Variants in SORCS1 observed in about 807,000 individuals in gnomAD.
The protein encoded by SORCS1 is sortilin related VPS10 domain containing receptor 1, also known as VPS10 domain-containing receptor SorCS1.
In SORCS1, 60 loss-of-function variants were observed where a neutral mutation model predicts 146.1. The ratio of observed to expected loss-of-function variants is 0.41; its 90% CI spans 0.33 to 0.51. SORCS1 has a LOEUF of 0.51. SORCS1 is among the 20% of genes least tolerant of loss of function. The pLI is 0.21. For synonymous variants in SORCS1, 637 were observed against 584.0 expected, an observed-to-expected ratio of 1.09 and a Z score of -1.31; for missense variants, 1,352 against 1,487.6, an observed-to-expected ratio of 0.91 and a Z score of 1.50.
At chr10:106,871,568 A>C (rs1159375464) in intron 2 of SORCS1, among the ~76,000 whole-genome samples, 1 of 152,238 alleles carries the variant, frequency 6.6e-6, no homozygotes, top group African/African-American at 2.4e-5. Flanking sequence ...GCCATCAAAA[A>C]GGACAAGATC....
At chr10:107,092,304 C>A (rs1964239424) in intron 1 of SORCS1, among the ~76,000 whole-genome samples, 1 of 152,230 alleles carries the variant, frequency 6.6e-6, no homozygotes, top group African/African-American at 2.4e-5. Context: ...TTGCCCAAGA[C>A]TGACACGAGC....
At chr10:107,040,898 C>T (rs1270513710) in intron 1 of SORCS1, among the ~76,000 whole-genome samples, 1 of 152,068 alleles carries the variant, frequency 6.6e-6, no homozygotes, top group South Asian at 2.1e-4. Context: ...TGGTATCTAT[C>T]CTAGAGAAAT....
intron 25 of SORCS1, chr10:106,578,600 C>T: frequency 1.1e-6 from 1 of 944,866 alleles, no homozygotes; most frequent in South Asian, 4.9e-5. Flanking sequence ...GAGGATCAGG[C>T]TGGCCACTCT....
At chr10:107,165,197 AC>A (rs1487715272), upstream of SORCS1, among the ~76,000 whole-genome samples, 1 of 150,440 alleles carries the variant, frequency 6.6e-6, no homozygotes, top group African/African-American at 2.5e-5. This position sits in a 1 kb window ranked among gnomAD's most constrained non-coding sequence, Gnocchi z 4.0. Context: ...TGGCATCTTG[AC>A]CTTACCCGCA....
At chr10:106,694,336 T>G (rs1213420146) in intron 9 of SORCS1, among the ~76,000 whole-genome samples, 1 of 152,166 alleles carries the variant, frequency 6.6e-6, no homozygotes, top group East Asian at 1.9e-4. Flanking sequence ...CTCGGCTCAC[T>G]GCAACCTCCA....
chr10:107,123,377 T>C (rs1209810874), intron 1 of SORCS1, among the ~76,000 whole-genome samples: 6 of 152,196 alleles, frequency 3.9e-5, no homozygotes, highest in African/African-American at 1.4e-4. Context: ...ACTGGAATTA[T>C]TTGAATGTTA....
At chr10:107,053,134 A>G (rs2134062561) in intron 1 of SORCS1, among the ~76,000 whole-genome samples, 1 of 152,260 alleles carries the variant, frequency 6.6e-6, no homozygotes, top group East Asian at 1.9e-4. Context: ...TAGCCACTCA[A>G]TTATTTCACT....
chr10:106,630,791 A>G (rs182716318), intron 18 of SORCS1, among the ~76,000 whole-genome samples: 3 of 152,278 alleles, frequency 2.0e-5, no homozygotes, highest in East Asian at 1.9e-4. Context: ...TAGGATTCCA[A>G]ATTTCCCATG....
chr10:106,906,095 AAGAAAAAG>A (rs1256207187), intron 2 of SORCS1, among the ~76,000 whole-genome samples: 1 of 152,134 alleles, frequency 6.6e-6, no homozygotes, highest in African/African-American at 2.4e-5. Context: ...CAAGACTGGG[AAGAAAAAG>A]AGAAAAAGAG....
chr10:106,808,086 C>T (rs7906969), intron 3 of SORCS1, among the ~76,000 whole-genome samples: 63,308 of 152,132 alleles, frequency 0.42, 13,300 homozygotes, highest in African/African-American at 0.44. Context: ...AATGGCGCGA[C>T]CTTGGATCAC....
intron 3 of SORCS1, among the ~76,000 whole-genome samples, chr10:106,825,983 G>A (rs1948286872): frequency 6.6e-6 from 1 of 152,216 alleles, no homozygotes; most frequent in East Asian, 1.9e-4. Context: ...ACCTAGCCAA[G>A]GAAAGCTGCT....
At position 106,992,008 on chromosome 10, in the gene SORCS1, T is replaced by C. The variant is rs1008802898; in HGVS notation, c.559-35428A>G. On this transcript the variant is annotated intron_variant, in intron 1 of 25. Transcript: ENST00000263054. ...GACGAAATATTTTATGCAATTAAAC[T>C]TTGCATGTTATAATGTGACTCGTTG... Among the ~76,000 whole-genome samples the C allele has an allele frequency of 3.9e-5, 6 of 152,200 alleles. No homozygotes were observed. The East Asian group carries it at 1.2e-3, about 29-fold the overall frequency.
chr10:106,925,868 G>A (rs1345424418), intron 2 of SORCS1, among the ~76,000 whole-genome samples: 2 of 152,150 alleles, frequency 1.3e-5, no homozygotes, highest in African/African-American at 2.4e-5. Flanking sequence ...CTTGGTAAGG[G>A]GCTGCAATGA....
intron 21 of SORCS1, among the ~76,000 whole-genome samples, 199 bp downstream of exon 21, chr10:106,617,950 T>C (rs963833935): frequency 1.3e-5 from 2 of 152,218 alleles, no homozygotes; most frequent in Non-Finnish European, 2.9e-5. Context: ...AAACCCTTTC[T>C]GGATCCCGTG....
intron 12 of SORCS1, 110 bp downstream of exon 12, chr10:106,679,146 C>G: frequency 1.5e-6 from 1 of 683,002 alleles, no homozygotes; most frequent in Admixed American, 2.6e-5. Context: ...TATTCACAGT[C>G]ATTAGGATTT....
At position 106,767,978 on chromosome 10, in the gene SORCS1, A is replaced by AT. The variant is rs373400987; in HGVS notation, c.886-6318dup. 2.4e-3 allele frequency among the ~76,000 whole-genome samples: 367 copies of AT among 151,494 alleles called. 4 individuals are homozygous for AT. The highest frequency in any genetic ancestry group is 8.3e-3 in the African/African-American group (344 of 41,332). On this transcript the variant is annotated intron_variant, in intron 4 of 25. Transcript: ENST00000263054. ...CATTTCTCCTTATTCTTGTAGCTCT[A>AT]TTTTTTTTTCCCGAAATCATTAGAA...
chr10:106,669,637 TA>T (rs1379798865), intron 16 of SORCS1, among the ~76,000 whole-genome samples: 1 of 152,240 alleles, frequency 6.6e-6, no homozygotes, highest in Non-Finnish European at 1.5e-5. Context: ...GTCATTGTAA[TA>T]ATATTGCACT....
chr10:106,840,479 G>A (rs1463923603), intron 2 of SORCS1, among the ~76,000 whole-genome samples: 1 of 139,116 alleles, frequency 7.2e-6, no homozygotes, highest in Non-Finnish European at 1.5e-5. Flanking sequence ...AAAGAATGTG[G>A]TTTCCTGAAA....
At chr10:106,728,109 G>A (rs1255503867) in intron 6 of SORCS1, among the ~76,000 whole-genome samples, 2 of 151,790 alleles carry the variant, frequency 1.3e-5, no homozygotes, top group African/African-American at 2.4e-5. Flanking sequence ...TCAGCTCACT[G>A]CAACCTCCGC....
Sources: allele counts gnomAD v4.1 joint callset (sites outside exome capture counted in the v4.1 genomes callset), GRCh38; gene constraint gnomAD v4.1.1; non-coding constraint Gnocchi (gnomAD v3.1); transcripts MANE v1.5; gene names NCBI Gene and HGNC (gene_info 2026-07-23, HGNC 2026-07-21).